Variants in NSUN3 observed in about 807,000 individuals in gnomAD.
The protein encoded by NSUN3 is tRNA (cytosine(34)-C(5))-methyltransferase, mitochondrial.
Under a neutral mutation model 36.8 loss-of-function variants are expected in NSUN3, and 24 were observed. The observed-to-expected ratio is 0.65, with a 90% confidence interval of 0.47 to 0.92. The LOEUF (loss-of-function observed/expected upper bound fraction) is 0.92, where lower values mean the gene tolerates loss of function less well. Ranked by LOEUF, NSUN3 falls within the 40% of genes least tolerant of loss-of-function variation. NSUN3 has a pLI of 0.00. For synonymous variants in NSUN3, 146 were observed against 145.2 expected (o/e 1.01, Z -0.04); for missense variants, 381 against 392.8 (o/e 0.97, Z 0.25).
intron 3 of NSUN3, among the ~76,000 whole-genome samples, chr3:94,092,950 A>G (rs2077322193): frequency 1.3e-5 from 2 of 150,854 alleles, no homozygotes; most frequent in Admixed American, 6.6e-5. Flanking sequence ...AAAAAAGAAA[A>G]GAAATATGGA....
rs754390863 is a variant in NSUN3, at chr3:94,129,742, C to CTTTTTTTTTTTTTTTTTTTT, written c.*3258_*3277dup. ...TCTATAAATTGTTTATATATGTTGT[C>CTTTTTTTTTTTTTTTTTTTT]TTTTTTTTTTTTTTTTTTTTTTTTT... On this transcript the variant is annotated 3_prime_UTR_variant, in exon 6 of 6. Coordinates refer to ENST00000314622, the MANE Select transcript of NSUN3 (RefSeq NM_022072.5). 1.1e-5 allele frequency among the ~76,000 whole-genome samples: 1 copy of CTTTTTTTTTTTTTTTTTTTT among 89,926 alleles called. No homozygotes were observed. Among genetic ancestry groups the CTTTTTTTTTTTTTTTTTTTT allele is most frequent in the Non-Finnish European group, 2.1e-5 (1 of 47,806 alleles). The allele number at this position is 89,926 out of a possible 152,430, so 59.0% of individuals were successfully genotyped here.
At chr3:94,120,053 A>G (rs1260236798) in intron 5 of NSUN3, among the ~76,000 whole-genome samples, 2 of 152,256 alleles carry the variant, frequency 1.3e-5, no homozygotes, top group Admixed American at 6.5e-5. Flanking sequence ...TAAGCCAGGA[A>G]CATATTGTTT....
In NSUN3 at chr3:94,083,405, G is replaced by A. The variant is rs193133197; in HGVS notation, c.123-702G>A. On this transcript the variant is annotated intron_variant, in intron 2 of 5. Transcript: ENST00000314622. Reference sequence around the variant, plus strand: ...CCAGATACAGAATATTCTTGGGTCCGAACACCCATTAGAGGTTTTCCATTG... The same window carrying A: ...CCAGATACAGAATATTCTTGGGTCCAAACACCCATTAGAGGTTTTCCATTG... Among the ~76,000 whole-genome samples, 2 of 152,270 alleles carry A rather than the reference G, an allele frequency of 1.3e-5. 1 individual carries two copies. The highest frequency in any genetic ancestry group is 3.9e-4 in the East Asian group (2 of 5,176).
At chr3:94,125,567 TTATGTATGCTTTCA>T (rs2107276332) in intron 5 of NSUN3, among the ~76,000 whole-genome samples, 1 of 152,256 alleles carries the variant, frequency 6.6e-6, no homozygotes, top group Non-Finnish European at 1.5e-5. Flanking sequence ...CAATGACTTC[TTATGTATGCTTTCA>T]TATGTATGCT....
chr3:94,079,178 C>T (rs188823928), intron 2 of NSUN3, among the ~76,000 whole-genome samples: 70 of 152,278 alleles, frequency 4.6e-4, no homozygotes, highest in Non-Finnish European at 1.9e-4. Context: ...ATTTCTCCTT[C>T]GCTTATGAAG....
chr3:94,072,556 T>C lies in NSUN3; in HGVS notation c.122+8010T>C, dbSNP rs570070640. On this transcript the variant is annotated intron_variant, in intron 2 of 5. Coordinates refer to ENST00000314622, the MANE Select transcript of NSUN3 (RefSeq NM_022072.5). ...ACTTCGTTGGAGAGAGAAAACTCCC[T>C]AAGTTGAGAACAGATAGGTGAGAGA... 2.0e-5 allele frequency among the ~76,000 whole-genome samples: 3 copies of C among 152,216 alleles called. No individual in the cohort carries two copies. The East Asian group carries it at 5.8e-4, about 29-fold the overall frequency.
chr3:94,085,651 C>T (rs554957782), intron 3 of NSUN3, among the ~76,000 whole-genome samples: 2 of 151,986 alleles, frequency 1.3e-5, no homozygotes, highest in East Asian at 1.9e-4. Context: ...CCCAGCTACT[C>T]GGGAGGCTAA....
intron 2 of NSUN3, among the ~76,000 whole-genome samples, chr3:94,082,821 A>G (rs1006605833): frequency 6.6e-6 from 1 of 152,184 alleles, no homozygotes; most frequent in African/African-American, 2.4e-5. Context: ...TGCACCATCA[A>G]TCCATAAGTG....
chr3:94,116,332 A>G (rs914067323), intron 5 of NSUN3, among the ~76,000 whole-genome samples: 14 of 152,194 alleles, frequency 9.2e-5, no homozygotes, highest in African/African-American at 3.4e-4. Flanking sequence ...AACTTTGGGA[A>G]AGACAAAATG....
At chr3:94,116,725 G>C (rs114160286) in intron 5 of NSUN3, among the ~76,000 whole-genome samples, 2,083 of 152,186 alleles carry the variant, frequency 0.014, 47 homozygotes, top group African/African-American at 0.047. Context: ...AAAATACAAG[G>C]AGAAAATCTT....
At chr3:94,122,092 C>A (rs573086353) in intron 5 of NSUN3, among the ~76,000 whole-genome samples, 2 of 150,538 alleles carry the variant, frequency 1.3e-5, no homozygotes, top group East Asian at 3.9e-4. Flanking sequence ...TTGCAGTGAG[C>A]CAGGATTGCA....
intron 2 of NSUN3, among the ~76,000 whole-genome samples, chr3:94,073,884 T>G (rs2077236143): frequency 6.6e-6 from 1 of 152,228 alleles, no homozygotes; most frequent in African/African-American, 2.4e-5. Context: ...CATGCCTATG[T>G]CCTGAATGGT....
At chr3:94,100,093 G>A (rs369590472) in intron 5 of NSUN3, among the ~76,000 whole-genome samples, 2 of 152,312 alleles carry the variant, frequency 1.3e-5, no homozygotes, top group African/African-American at 4.8e-5. Context: ...TTGGAATGCA[G>A]ATAAACAAAT....
At chr3:94,072,222 T>C (rs1372645556) in intron 2 of NSUN3, among the ~76,000 whole-genome samples, 1 of 152,126 alleles carries the variant, frequency 6.6e-6, no homozygotes, top group East Asian at 1.9e-4. Context: ...TTGCCCCCTT[T>C]TGTAGCTCTG....
chr3:94,065,753 T>C (rs1169450980), intron 2 of NSUN3, among the ~76,000 whole-genome samples: 1 of 152,210 alleles, frequency 6.6e-6, no homozygotes. Context: ...TTCAAATGGG[T>C]ATTTTCTGTC....
chr3:94,084,317 A>G lies in NSUN3; in HGVS notation c.333A>G (p.Lys111=). The change falls in exon 3 of 6, where the codon AAA becomes AAG. Residue 111 remains lysine (K), a synonymous_variant. Coordinates refer to ENST00000314622, the MANE Select transcript of NSUN3 (RefSeq NM_022072.5). ...AAAGACACCAAATTGGAAACCTGAA[A>G]AAATATTATCTCCTAAATGCTGCTT... is the stretch of plus-strand genomic sequence containing the variant. The part of the protein sequence containing the change: ...PSERHQIGNL[K]KYYLLNAASL... 6.2e-7 allele frequency: 1 copy of G among 1,614,142 alleles called. No individual in the cohort carries two copies. Among genetic ancestry groups the G allele is most frequent in the Non-Finnish European group, 8.5e-7 (1 of 1,179,998 alleles).
At chr3:94,125,687 T>C (rs1219338598) in intron 5 of NSUN3, among the ~76,000 whole-genome samples, 2 of 152,238 alleles carry the variant, frequency 1.3e-5, no homozygotes, top group Non-Finnish European at 2.9e-5. Flanking sequence ...TCAACCAGTC[T>C]AACTTACTCT....
At chr3:94,080,952 G>T (rs569632730) in intron 2 of NSUN3, among the ~76,000 whole-genome samples, 1 of 152,308 alleles carries the variant, frequency 6.6e-6, no homozygotes, top group African/African-American at 2.4e-5. Context: ...CGCCACTGGG[G>T]TATGGAAAAG....
intron 5 of NSUN3, among the ~76,000 whole-genome samples, chr3:94,121,950 GC>G (rs1204981927): frequency 2.6e-5 from 4 of 151,746 alleles, no homozygotes; most frequent in African/African-American, 9.7e-5. Flanking sequence ...TTTGAGACCA[GC>G]CTGGCCAACA....
Sources: gnomAD v4.1 joint callset for allele counts (sites outside exome capture counted in the v4.1 genomes callset) on GRCh38, gnomAD v4.1.1 for gene constraint, MANE v1.5 for transcripts, NCBI Gene and HGNC (gene_info 2026-07-23, HGNC 2026-07-21) for gene names.